The following AGBL4 variants were observed in gnomAD, a reference collection of about 807,000 sequenced individuals.
AGBL4 encodes the protein cytosolic carboxypeptidase 6.
Under a neutral mutation model 66.4 loss-of-function variants are expected in AGBL4, and 58 were observed. The observed-to-expected ratio is 0.87, with a 90% CI of 0.71 to 1.09. AGBL4 has a LOEUF of 1.09. Among genes scored for constraint, AGBL4 ranks in the 50% least tolerant of loss-of-function variants. The probability of loss-of-function intolerance (pLI) is 0.00; values close to 1 mark genes in which losing one functional copy is unlikely to be tolerated. For synonymous variants in AGBL4, 234 were observed against 222.9 expected (o/e 1.05, Z -0.44); for missense variants, 579 against 631.0 (o/e 0.92, Z 0.88).
chr1:49,544,879 A>T (rs1652354789), intron 3 of AGBL4, among the ~76,000 whole-genome samples: 1 of 152,230 alleles, frequency 6.6e-6, no homozygotes, highest in South Asian at 2.1e-4. Flanking sequence ...TGAGAGAACG[A>T]GGTGAACCCC....
rs1647185493 is a variant in AGBL4 at position 48,723,705 on chromosome 1, T to C, written c.635-60464A>G. Among the ~76,000 whole-genome samples the C allele has an allele frequency of 2.0e-5, 3 of 152,184 alleles. No individual in the cohort carries two copies. The South Asian group carries it at 6.2e-4, about 32-fold the overall frequency. The stretch of plus-strand genomic sequence containing the variant: ...GTCTTGGCTATAATAAAAGAAAATA[T>C]AACAAGGGTGCTATTTTTCACCTAT... On this transcript the variant is annotated intron_variant, in intron 6 of 13. Coordinates refer to ENST00000371839, the MANE Select transcript of AGBL4 (RefSeq NM_032785.4).
chr1:48,971,520 C>T (rs3127551), intron 5 of AGBL4, among the ~76,000 whole-genome samples: 97,102 of 151,926 alleles, frequency 0.64, 31,449 homozygotes, highest in African/African-American at 0.72. Flanking sequence ...ATAATATGGA[C>T]GGTTGACTTA....
At chr1:49,861,466 G>T (rs1387149916) in intron 1 of AGBL4, among the ~76,000 whole-genome samples, 1 of 152,108 alleles carries the variant, frequency 6.6e-6, no homozygotes, top group Non-Finnish European at 1.5e-5. Context: ...GCACTGGTCA[G>T]AGTAATGAGG....
chr1:49,588,281 T>C (rs1313186773), intron 3 of AGBL4, among the ~76,000 whole-genome samples: 3 of 152,168 alleles, frequency 2.0e-5, no homozygotes, highest in African/African-American at 7.2e-5. Flanking sequence ...TACATTCTAA[T>C]TTATAACCTC....
chr1:49,113,741 T>C (rs1205313240), intron 4 of AGBL4, among the ~76,000 whole-genome samples: 2 of 152,248 alleles, frequency 1.3e-5, no homozygotes, highest in Non-Finnish European at 2.9e-5. Context: ...GATGTAGCGT[T>C]AGCAGGCATG....
chr1:48,780,527 A>G (rs1420751202), intron 6 of AGBL4, among the ~76,000 whole-genome samples: 3 of 152,274 alleles, frequency 2.0e-5, no homozygotes, highest in Non-Finnish European at 2.9e-5. Context: ...ACTTCAAACC[A>G]TACTAGAAGG....
intron 3 of AGBL4, among the ~76,000 whole-genome samples, chr1:49,535,655 TTC>T (rs1169910242): frequency 1.6e-4 from 25 of 152,150 alleles, no homozygotes; most frequent in Admixed American, 1.6e-3. Flanking sequence ...GGTATTAATT[TTC>T]TTTTACTGAT....
intron 3 of AGBL4, among the ~76,000 whole-genome samples, chr1:49,547,165 G>A (rs1371837012): frequency 6.6e-6 from 1 of 152,134 alleles, no homozygotes; most frequent in African/African-American, 2.4e-5. Flanking sequence ...AATCCATCTT[G>A]TGTTGATTTT....
chr1:49,990,587 C>T (rs1357240673), intron 1 of AGBL4, among the ~76,000 whole-genome samples: 4 of 152,098 alleles, frequency 2.6e-5, no homozygotes, highest in African/African-American at 4.8e-5. Flanking sequence ...AGTGTGAAAA[C>T]GGACTAATGC....
chr1:48,869,020 G>T (rs771122306), intron 5 of AGBL4, among the ~76,000 whole-genome samples: 10 of 152,122 alleles, frequency 6.6e-5, no homozygotes, highest in Middle Eastern at 3.4e-3. Context: ...TCTCCTCAGG[G>T]TCACCCTCCT....
intron 2 of AGBL4, among the ~76,000 whole-genome samples, chr1:49,738,374 G>C (rs535070092): frequency 6.6e-6 from 1 of 152,210 alleles, no homozygotes; most frequent in East Asian, 1.9e-4. Context: ...GCTCACCATT[G>C]CCCAGGCTTG....
chr1:48,523,555 T>C, the AGBL4 span, among the ~76,000 whole-genome samples: 1 of 152,124 alleles, frequency 6.6e-6, no homozygotes, highest in African/African-American at 2.4e-5. Flanking sequence ...CCACATGGCC[T>C]CCCTAAGGAT....
chr1:48,657,932 C>G (rs1646046687), intron 7 of AGBL4, among the ~76,000 whole-genome samples: 1 of 152,170 alleles, frequency 6.6e-6, no homozygotes, highest in Admixed American at 6.5e-5. Flanking sequence ...CCATGAGCTC[C>G]AAGACAGCAG....
intron 3 of AGBL4, among the ~76,000 whole-genome samples, chr1:49,558,110 G>A (rs996207337): frequency 2.6e-5 from 4 of 151,912 alleles, no homozygotes; most frequent in Non-Finnish European, 5.9e-5. Flanking sequence ...CTTGGACCCT[G>A]AATAATCAGC....
At chr1:48,546,977 C>A (rs1056256996) in intron 11 of AGBL4, among the ~76,000 whole-genome samples, 1 of 151,514 alleles carries the variant, frequency 6.6e-6, no homozygotes, top group East Asian at 1.9e-4. Context: ...CGTGGGAAGG[C>A]CTCTCTGAGG....
chr1:49,243,143 A>G (rs1230485291), intron 4 of AGBL4, among the ~76,000 whole-genome samples: 1 of 151,622 alleles, frequency 6.6e-6, no homozygotes, highest in Non-Finnish European at 1.5e-5. Flanking sequence ...ATCCTAAAGT[A>G]AGAATTTTTC....
At chr1:48,812,171 G>T (rs115588817) in intron 6 of AGBL4, among the ~76,000 whole-genome samples, 1,717 of 152,274 alleles carry the variant, frequency 0.011, 33 homozygotes, top group African/African-American at 0.039. Flanking sequence ...AGTTCCCAGG[G>T]ATGAGTCAGG....
intron 1 of AGBL4, among the ~76,000 whole-genome samples, chr1:49,861,526 G>C (rs182201700): frequency 1.3e-5 from 2 of 152,036 alleles, no homozygotes; most frequent in East Asian, 3.9e-4. Flanking sequence ...ACACACCCTG[G>C]GATTTTGTAG....
At chr1:49,878,568 C>T (rs900637565) in intron 1 of AGBL4, among the ~76,000 whole-genome samples, 1 of 152,022 alleles carries the variant, frequency 6.6e-6, no homozygotes, top group African/African-American at 2.4e-5. Flanking sequence ...CTGAGGAGTG[C>T]TTTACCTCCA....
Sources: gnomAD v4.1 joint callset for allele counts (sites outside exome capture counted in the v4.1 genomes callset) on GRCh38, gnomAD v4.1.1 for gene constraint, MANE v1.5 for transcripts, NCBI Gene and HGNC (gene_info 2026-07-23, HGNC 2026-07-21) for gene names.